The following FHOD3 variants were observed in gnomAD, a reference collection of about 807,000 sequenced individuals.
The protein encoded by FHOD3 is formin homology 2 domain containing 3.
A neutral mutation model predicts 173.0 loss-of-function variants in FHOD3; 90 were observed. The observed-to-expected ratio is 0.52, with a 90% confidence interval of 0.44 to 0.62. The LOEUF (loss-of-function observed/expected upper bound fraction) is 0.62. Ranked by LOEUF, FHOD3 falls within the 20% of genes least tolerant of loss-of-function variation. The probability of loss-of-function intolerance (pLI) is 0.00; values close to 1 mark genes in which losing one functional copy is unlikely to be tolerated. For synonymous variants in FHOD3, 828 were observed against 823.0 expected (o/e 1.01, Z -0.10); for missense variants, 1,945 against 2,034.7 (o/e 0.96, Z 0.85).
intron 19 of FHOD3, among the ~76,000 whole-genome samples, chr18:36,729,228 C>T (rs1470224642): frequency 6.6e-6 from 1 of 152,168 alleles, no homozygotes; most frequent in Non-Finnish European, 1.5e-5. Flanking sequence ...AGACTTGTTA[C>T]ATGAGTCAAA....
intron 5 of FHOD3, among the ~76,000 whole-genome samples, chr18:36,532,465 A>T (rs2056827063): frequency 1.3e-5 from 2 of 152,178 alleles, no homozygotes; most frequent in Admixed American, 1.3e-4. Context: ...TTGGGCTGTC[A>T]TGCCCATAGG....
At chr18:36,416,225 G>A (rs1162187560) in intron 3 of FHOD3, among the ~76,000 whole-genome samples, 1 of 152,146 alleles carries the variant, frequency 6.6e-6, no homozygotes, top group Non-Finnish European at 1.5e-5. Context: ...ATTAGAGACA[G>A]GGTTCCACCA....
intron 1 of FHOD3, among the ~76,000 whole-genome samples, chr18:36,317,926 G>A (rs546279148): frequency 6.6e-6 from 1 of 152,270 alleles, no homozygotes; most frequent in East Asian, 1.9e-4. Context: ...AAGGGATCCA[G>A]TTTCAGCTTT....
At chr18:36,584,464 G>A (rs1030703447) in intron 6 of FHOD3, among the ~76,000 whole-genome samples, 1 of 152,088 alleles carries the variant, frequency 6.6e-6, no homozygotes, top group Non-Finnish European at 1.5e-5. Context: ...AATTCTATAT[G>A]GTCCAGGCAA....
intron 10 of FHOD3, among the ~76,000 whole-genome samples, chr18:36,642,606 AAAATT>A (rs2035408359): frequency 1.3e-5 from 2 of 150,450 alleles, no homozygotes; most frequent in African/African-American, 4.9e-5. Context: ...AAAAAAAAAA[AAAATT>A]AAAAAAATCC....
chr18:36,640,766 C>T (rs1465803979), intron 10 of FHOD3, among the ~76,000 whole-genome samples: 3 of 151,554 alleles, frequency 2.0e-5, no homozygotes, highest in Admixed American at 1.3e-4. Context: ...GGGAGCTGTA[C>T]GCAGCCTTGT....
intron 28 of FHOD3, among the ~76,000 whole-genome samples, chr18:36,776,487 G>A (rs962619586): frequency 1.3e-5 from 2 of 152,160 alleles, no homozygotes; most frequent in African/African-American, 4.8e-5. Context: ...TCTTTCAAGT[G>A]GTGAGGTGAA....
chr18:36,319,476 G>C (rs1356871476), intron 1 of FHOD3, among the ~76,000 whole-genome samples: 2 of 152,160 alleles, frequency 1.3e-5, no homozygotes, highest in African/African-American at 4.8e-5. Context: ...GGAGCACCCA[G>C]ATTCATAAAG....
At chr18:36,477,175 G>T (rs987268489) in intron 3 of FHOD3, among the ~76,000 whole-genome samples, 2 of 152,160 alleles carry the variant, frequency 1.3e-5, no homozygotes, top group Non-Finnish European at 2.9e-5. Context: ...TGTGGGGTGT[G>T]CACAAGGGTG....
chr18:36,349,644 T>A (rs986799396), intron 1 of FHOD3, among the ~76,000 whole-genome samples: 1 of 152,202 alleles, frequency 6.6e-6, no homozygotes, highest in Non-Finnish European at 1.5e-5. Flanking sequence ...TGCCAAAACC[T>A]AGATAATCAT....
At chr18:36,365,201 G>A (rs2046838165) in intron 2 of FHOD3, among the ~76,000 whole-genome samples, 1 of 152,190 alleles carries the variant, frequency 6.6e-6, no homozygotes, top group Admixed American at 6.5e-5. Flanking sequence ...CATGGTTCTT[G>A]CCACATGTGC....
At position 36,316,443 on chromosome 18, in the gene FHOD3, G is replaced by A. The variant is rs191254106; in HGVS notation, c.165+18443G>A. On this transcript the variant is annotated intron_variant, in intron 1 of 28. Coordinates refer to ENST00000590592, the MANE Select transcript of FHOD3 (RefSeq NM_001281740.3). ...GGGCATTGCCCAAATTCTACTGCATGAGTCACTGGGGTTTAAAATCCTTCA... is the reference window on the plus strand; with the variant it reads ...GGGCATTGCCCAAATTCTACTGCATAAGTCACTGGGGTTTAAAATCCTTCA... Among the ~76,000 whole-genome samples the A allele has an allele frequency of 2.4e-3, 373 of 152,364 alleles. 1 individual carries two copies. Among genetic ancestry groups the A allele is most frequent in the Non-Finnish European group, 3.7e-3 (249 of 68,042 alleles).
chr18:36,583,894 C>T (rs777374942), intron 6 of FHOD3, among the ~76,000 whole-genome samples: 14 of 152,064 alleles, frequency 9.2e-5, no homozygotes, highest in East Asian at 1.9e-4. Flanking sequence ...GACACAGTCT[C>T]GGCTCACTGC....
chr18:36,566,673 C>A (rs1286856981), intron 5 of FHOD3, among the ~76,000 whole-genome samples: 1 of 152,086 alleles, frequency 6.6e-6, no homozygotes, highest in Non-Finnish European at 1.5e-5. Flanking sequence ...GGCGGGAGAC[C>A]AGCCAGGACC....
chr18:36,748,538 G>A (rs2042266733), intron 24 of FHOD3, among the ~76,000 whole-genome samples: 1 of 152,144 alleles, frequency 6.6e-6, no homozygotes, highest in Non-Finnish European at 1.5e-5. Context: ...TAAAAACTCA[G>A]TTTGGTGGTG....
At chr18:36,299,380 T>C (rs1160789054) in intron 1 of FHOD3, among the ~76,000 whole-genome samples, 1 of 152,160 alleles carries the variant, frequency 6.6e-6, no homozygotes, top group Non-Finnish European at 1.5e-5. Context: ...TTTTGTAAAT[T>C]ATTTGGTTCT....
chr18:36,713,948 G>A (rs1486759828), intron 18 of FHOD3, among the ~76,000 whole-genome samples: 2 of 152,092 alleles, frequency 1.3e-5, no homozygotes, highest in Non-Finnish European at 2.9e-5. Flanking sequence ...GATTAAAAAT[G>A]ACACAATTAT....
chr18:36,711,675 A>G (rs977369673), intron 18 of FHOD3, among the ~76,000 whole-genome samples: 2 of 152,192 alleles, frequency 1.3e-5, no homozygotes, highest in African/African-American at 4.8e-5. Flanking sequence ...GCACCCTGAG[A>G]ATACCAGAAT....
At chr18:36,397,606 C>T (rs1031530539) in intron 3 of FHOD3, among the ~76,000 whole-genome samples, 1 of 152,134 alleles carries the variant, frequency 6.6e-6, no homozygotes, top group Non-Finnish European at 1.5e-5. Flanking sequence ...AATAGTATGT[C>T]TCTGCCTCCA....
Sources: allele counts gnomAD v4.1 joint callset (sites outside exome capture counted in the v4.1 genomes callset), GRCh38; gene constraint gnomAD v4.1.1; transcripts MANE v1.5; gene names NCBI Gene and HGNC (gene_info 2026-07-23, HGNC 2026-07-21).